The following MRPL42 variants were observed in gnomAD, a reference collection of about 807,000 sequenced individuals.
The protein encoded by MRPL42 is large ribosomal subunit protein mL42.
MRPL42 carries 17 observed loss-of-function variants against 17.9 expected under a neutral mutation model. The observed-to-expected ratio is 0.95, with a 90% CI of 0.65 to 1.42. MRPL42 has a LOEUF of 1.42. Ranked by LOEUF, MRPL42 falls within the 40% of genes most tolerant of loss-of-function variation. The pLI is 0.00. For synonymous variants in MRPL42, 59 were observed against 54.4 expected, an observed-to-expected ratio of 1.08 and a Z score of -0.37; for missense variants, 177 against 175.2, an observed-to-expected ratio of 1.01 and a Z score of -0.06.
rs569658041 is a variant in MRPL42, at chr12:93,510,394, T to C, written c.*9173T>C. 6.6e-6 allele frequency: 1 copy of C among 152,344 alleles called. No individual in the cohort carries two copies. The highest frequency in any genetic ancestry group is 6.5e-5 in the Admixed American group (1 of 15,296). The allele number at this position is 152,344 out of a possible 1,614,324, so 9.4% of individuals were successfully genotyped here. A position where few individuals can be genotyped will look rare whatever the true frequency, so the allele number is the denominator to read the frequency against. On this transcript the variant is annotated 3_prime_UTR_variant, in exon 6 of 6. Transcript: ENST00000549982. ...CAAGTTTTGGCAATTATGAATAAAA[T>C]TGCTATAGATATCCATGTGTAGGTT...
rs375205321 is a variant in MRPL42, at chr12:93,501,260, C to A, written c.*39C>A. 12 of 1,530,442 alleles carry A rather than the reference C, an allele frequency of 7.8e-6. No homozygotes were observed. The African/African-American group carries it at 1.1e-4, about 14-fold the overall frequency. The allele number at this position is 1,530,442 out of a possible 1,614,324, so 94.8% of individuals were successfully genotyped here. On this transcript the variant is annotated 3_prime_UTR_variant, in exon 6 of 6. Transcript: ENST00000549982. ...GGGGGAATCAAAGAGAAATGTGCCT[C>A]ATTTGCCATTTGAGAAAATGCAGTC...
intron 4 of MRPL42, among the ~76,000 whole-genome samples, chr12:93,480,561 A>T (rs1339020238): frequency 4.9e-5 from 7 of 143,842 alleles, no homozygotes; most frequent in Non-Finnish European, 4.5e-5. Flanking sequence ...TTTTTTTTTG[A>T]GACTGAGTCT....
At chr12:93,467,587 A>G (rs1300573956) in intron 1 of MRPL42, 33 bp downstream of exon 1, 2 of 152,644 alleles carry the variant, frequency 1.3e-5, no homozygotes, top group East Asian at 3.9e-4. Context: ...CCTGTCGAGG[A>G]CTTCCTCGAA....
chr12:93,477,254 G>A (rs1450798225), intron 3 of MRPL42, among the ~76,000 whole-genome samples: 2 of 152,154 alleles, frequency 1.3e-5, no homozygotes, highest in African/African-American at 4.8e-5. Context: ...AGACAGACAT[G>A]CTGTTTAGAA....
intron 4 of MRPL42, 101 bp from the exon 5 acceptor site, chr12:93,487,396 T>C: frequency 9.3e-7 from 1 of 1,079,548 alleles, no homozygotes. Flanking sequence ...TAAAGTACTA[T>C]AGTGAATTAC....
At position 93,515,666 on chromosome 12, in the gene MRPL42, G is replaced by C. The variant is rs968515453; in HGVS notation, c.*14445G>C. On this transcript the variant is annotated 3_prime_UTR_variant, in exon 6 of 6. Transcript: ENST00000549982. ...TTACAGACATCAGCCACTGCACCTGGGTTGGCAACTAATTTACACGGAATG... is the reference window on the plus strand; with the variant it reads ...TTACAGACATCAGCCACTGCACCTGCGTTGGCAACTAATTTACACGGAATG... 6.6e-6 allele frequency: 1 copy of C among 152,148 alleles called. No individual in the cohort carries two copies. Among genetic ancestry groups the C allele is most frequent in the Non-Finnish European group, 1.5e-5 (1 of 68,066 alleles). The allele number at this position is 152,148 out of a possible 1,614,324, so 9.4% of individuals were successfully genotyped here. A position where few individuals can be genotyped will look rare whatever the true frequency, so the allele number is the denominator to read the frequency against.
chr12:93,503,732 CATAA>C lies in MRPL42; in HGVS notation c.*2515_*2518del, dbSNP rs545502805. On this transcript the variant is annotated 3_prime_UTR_variant, in exon 6 of 6. Coordinates refer to ENST00000549982, the MANE Select transcript of MRPL42 (RefSeq NM_014050.4). Reference sequence around the variant, plus strand: ...ATTGTTAACATTTTGTATTTCTCTGCATAAATATATTTCAAAAATAAAAATAGAG... The same window carrying C: ...ATTGTTAACATTTTGTATTTCTCTGCATATATTTCAAAAATAAAAATAGAG... 1 of 151,660 alleles carries C rather than the reference CATAA, an allele frequency of 6.6e-6. No individual in the cohort carries two copies. The highest frequency in any genetic ancestry group is 1.9e-4 in the East Asian group (1 of 5,174). 9.4% of individuals were successfully genotyped at this position (151,660 alleles called of 1,614,324 possible).
chr12:93,467,724 G>A (rs1473440273), intron 1 of MRPL42, among the ~76,000 whole-genome samples, 170 bp downstream of exon 1: 1 of 152,266 alleles, frequency 6.6e-6, no homozygotes, highest in Non-Finnish European at 1.5e-5. Context: ...GTGGCTGCGC[G>A]TTTCTTATAG....
chr12:93,476,975 G>C lies in MRPL42; in HGVS notation c.92G>C (p.Cys31Ser). 6.2e-7 allele frequency: 1 copy of C among 1,609,568 alleles called. No individual in the cohort carries two copies. The highest frequency in any genetic ancestry group is 1.7e-4 in the Middle Eastern group (1 of 5,792). The change falls in exon 3 of 6, where the codon TGT becomes TCT. Residue 31 changes from cysteine to serine, a missense_variant. Transcript: ENST00000549982. ...GCAGATGGAGCTTTATATTGTGTTT[G>C]TCATAAATCTACGTATTCTCCTCTA... ...PVQNGALYCV[C>S]HKSTYSPLPD...
intron 5 of MRPL42, among the ~76,000 whole-genome samples, chr12:93,492,652 T>C (rs1228338737): frequency 2.6e-5 from 4 of 152,244 alleles, no homozygotes; most frequent in African/African-American, 4.8e-5. Context: ...TGCTAAGAAC[T>C]GTCCATTAAA....
intron 5 of MRPL42, among the ~76,000 whole-genome samples, chr12:93,491,160 G>A (rs1365228421): frequency 2.0e-5 from 3 of 152,102 alleles, no homozygotes; most frequent in Non-Finnish European, 4.4e-5. Context: ...CAAAGTGCTG[G>A]GATTACAGGT....
chr12:93,467,832 C>A (rs1879706450), intron 1 of MRPL42, among the ~76,000 whole-genome samples: 1 of 152,154 alleles, frequency 6.6e-6, no homozygotes, highest in African/African-American at 2.4e-5. Flanking sequence ...CTCTTGGTAG[C>A]CTGTTCCTCA....
At chr12:93,499,620 G>A (rs748672604) in intron 5 of MRPL42, among the ~76,000 whole-genome samples, 2 of 151,956 alleles carry the variant, frequency 1.3e-5, no homozygotes, top group Non-Finnish European at 2.9e-5. Context: ...GAAAAAAACA[G>A]AATTTTCTGT....
intron 2 of MRPL42, among the ~76,000 whole-genome samples, chr12:93,474,685 TC>T (rs1255118848): frequency 6.6e-6 from 1 of 152,176 alleles, no homozygotes; most frequent in African/African-American, 2.4e-5. Context: ...AGTGTTGGCC[TC>T]CCAAAGTGTT....
chr12:93,486,906 C>T (rs551709582), intron 4 of MRPL42, among the ~76,000 whole-genome samples: 1 of 151,858 alleles, frequency 6.6e-6, no homozygotes, highest in Non-Finnish European at 1.5e-5. Context: ...TGAAGTGATC[C>T]TCCCACCTTG....
intron 2 of MRPL42, among the ~76,000 whole-genome samples, chr12:93,471,498 C>T (rs1361394039): frequency 6.6e-6 from 1 of 152,072 alleles, no homozygotes; most frequent in African/African-American, 2.4e-5. Context: ...AGGGGTTTCA[C>T]CATGTTGGCC....
rs1160565011 is a variant in MRPL42 at position 93,507,575 on chromosome 12, T to G, written c.*6354T>G. ...AAAGCTCATTGGCTTAAAACAACAA[T>G]CTTTCATTAGTTTGCGTTCTTCCAG... On this transcript the variant is annotated 3_prime_UTR_variant, in exon 6 of 6. Transcript: ENST00000549982. 1 of 152,206 alleles carries G rather than the reference T, an allele frequency of 6.6e-6. No homozygotes were observed. The highest frequency in any genetic ancestry group is 2.4e-5 in the African/African-American group (1 of 41,446). The allele number at this position is 152,206 out of a possible 1,614,324, so 9.4% of individuals were successfully genotyped here.
At chr12:93,491,823 G>T (rs954406010) in intron 5 of MRPL42, among the ~76,000 whole-genome samples, 1 of 152,166 alleles carries the variant, frequency 6.6e-6, no homozygotes, top group African/African-American at 2.4e-5. Context: ...TTGTGTCCGT[G>T]TGTACCCAGT....
At position 93,509,044 on chromosome 12, in the gene MRPL42, T is replaced by A. The variant is rs1953699480; in HGVS notation, c.*7823T>A. 1.3e-5 allele frequency: 2 copies of A among 151,926 alleles called. No individual in the cohort carries two copies. The highest frequency in any genetic ancestry group is 1.3e-4 in the Admixed American group (2 of 15,228). 9.4% of individuals were successfully genotyped at this position (151,926 alleles called of 1,614,324 possible). On this transcript the variant is annotated 3_prime_UTR_variant, in exon 6 of 6. Transcript: ENST00000549982. ...CTCTACTAAAAATGCAAAAATTAGC[T>A]GGGTGTGGTGGCAGGCATCTGTAAT...
Sources: allele counts gnomAD v4.1 joint callset (sites outside exome capture counted in the v4.1 genomes callset), GRCh38; gene constraint gnomAD v4.1.1; transcripts MANE v1.5; gene names NCBI Gene and HGNC (gene_info 2026-07-23, HGNC 2026-07-21).